IQGAP1: variants seen among roughly 807,000 people sequenced by gnomAD.
IQGAP1 encodes the protein ras GTPase-activating-like protein IQGAP1.
Under a neutral mutation model 215.6 loss-of-function variants are expected in IQGAP1, and 66 were observed. The observed-to-expected ratio is 0.31, with a 90% confidence interval of 0.25 to 0.38. The LOEUF (loss-of-function observed/expected upper bound fraction) is 0.38, where lower values mean the gene tolerates loss of function less well. IQGAP1 is among the 10% of genes least tolerant of loss of function. IQGAP1 has a pLI of 1.00. For synonymous variants in IQGAP1, 772 were observed against 728.7 expected, an observed-to-expected ratio of 1.06 and a Z score of -0.96; for missense variants, 1,712 against 1,997.1, an observed-to-expected ratio of 0.86 and a Z score of 2.72.
chr15:90,491,776 T>G (rs1046823537), intron 34 of IQGAP1: 4 of 473,016 alleles, frequency 8.5e-6, no homozygotes, highest in Non-Finnish European at 1.5e-5. Flanking sequence ...TCCTATGACC[T>G]TAAAGAATTT....
Position 90,472,956 on chromosome 15 carries a change from C to G in IQGAP1, c.2295C>G (p.Phe765Leu). The stretch of plus-strand genomic sequence containing the variant: ...GTGGATACTTAGTTCGACAGGAATT[C>G]CGATCCAGGATGAATTTCCTGAAGA... Reference protein sequence around the residue: ...RCRGYLVRQEFRSRMNFLKKQ... With the variant: ...RCRGYLVRQELRSRMNFLKKQ... Residue 765 changes from phenylalanine to leucine, a missense_variant, in exon 19 of 38, where the codon TTC (phenylalanine) becomes TTG (leucine). This residue lies in a region of IQGAP1 where 1,021 missense variants were observed against 1,074.2 expected (regional missense o/e 0.95). Transcript: ENST00000268182. 6.2e-7 allele frequency: 1 copy of G among 1,614,048 alleles called. No individual in the cohort carries two copies. Among genetic ancestry groups the G allele is most frequent in the Non-Finnish European group, 8.5e-7 (1 of 1,179,972 alleles).
At chr15:90,401,196 A>G (rs1964799683) in intron 2 of IQGAP1, among the ~76,000 whole-genome samples, 1 of 152,050 alleles carries the variant, frequency 6.6e-6, no homozygotes, top group African/African-American at 2.4e-5. Context: ...GTCTCCTAGC[A>G]ATCTGATTGA....
Position 90,490,930 on chromosome 15 carries a change from T to C in IQGAP1, c.4249-403T>C, listed in dbSNP as rs111923511. Reference sequence around the variant, plus strand: ...TTCACGCCATTCTCCTGCCTCAGCCTCCTGAGTAGCTGGGACTACAGGCAC... The same window carrying C: ...TTCACGCCATTCTCCTGCCTCAGCCCCCTGAGTAGCTGGGACTACAGGCAC... On this transcript the variant is annotated intron_variant, in intron 33 of 37. Coordinates refer to ENST00000268182, the MANE Select transcript of IQGAP1 (RefSeq NM_003870.4). Among the ~76,000 whole-genome samples the C allele has an allele frequency of 4.8e-3, 738 of 152,350 alleles. 10 individuals carry two copies. The highest frequency in any genetic ancestry group is 0.017 in the African/African-American group (717 of 41,584).
Position 90,420,718 on chromosome 15 carries a change from T to C in IQGAP1, c.156-5392T>C, listed in dbSNP as rs138606604. 3.2e-4 allele frequency among the ~76,000 whole-genome samples: 49 copies of C among 152,334 alleles called. 1 individual carries two copies. The East Asian group carries it at 9.4e-3, about 29-fold the overall frequency. Reference sequence around the variant, plus strand: ...GTTGTGTTGGCCAGTGATTTTTCTTTTGTGCATAGATTGATTGATTTTGAG... The same window carrying C: ...GTTGTGTTGGCCAGTGATTTTTCTTCTGTGCATAGATTGATTGATTTTGAG... On this transcript the variant is annotated intron_variant, in intron 2 of 37. Transcript: ENST00000268182.
At chr15:90,475,426 C>G (rs1209979455) in intron 23 of IQGAP1, among the ~76,000 whole-genome samples, 1 of 152,040 alleles carries the variant, frequency 6.6e-6, no homozygotes, top group Admixed American at 6.5e-5. Flanking sequence ...CATGAGCCAC[C>G]ATGCCCGGCC....
chr15:90,487,005 C>T lies in IQGAP1; in HGVS notation c.4076C>T (p.Thr1359Met), dbSNP rs148060068. The T allele has an allele frequency of 9.3e-5, 150 of 1,613,818 alleles. No homozygotes were observed. Among genetic ancestry groups the T allele is most frequent in the Non-Finnish European group, 1.2e-4 (141 of 1,179,864 alleles). ...CCAAATAAGGAGGCACTGGCTAAGA[C>T]GGAAGTGTCTCTCACCCTGACCAAC... is the stretch of plus-strand genomic sequence containing the variant. ...NDPNKEALAKTEVSLTLTNKF... is the reference protein window; with the variant it reads ...NDPNKEALAKMEVSLTLTNKF... Residue 1359 changes from threonine (T) to methionine (M), a missense_variant, in exon 32 of 38, where the codon ACG becomes ATG. By Grantham distance (81) the Thr-to-Met change is moderately conservative. Coordinates refer to ENST00000268182, the MANE Select transcript of IQGAP1 (RefSeq NM_003870.4).
chr15:90,467,403 G>A (rs1350805269), intron 17 of IQGAP1, 47 bp from the exon 18 acceptor site: 1 of 1,574,884 alleles, frequency 6.3e-7, no homozygotes, highest in South Asian at 1.2e-5. Context: ...GTACAGCTGG[G>A]GAGTGTGGCT....
intron 26 of IQGAP1, among the ~76,000 whole-genome samples, chr15:90,480,377 C>T (rs1236682387): frequency 6.6e-6 from 1 of 152,132 alleles, no homozygotes; most frequent in East Asian, 1.9e-4. Flanking sequence ...ACGTAGCAAA[C>T]TGGAATCTTG....
intron 37 of IQGAP1, among the ~76,000 whole-genome samples, chr15:90,498,145 C>T (rs549822924): frequency 6.7e-5 from 10 of 149,672 alleles, no homozygotes; most frequent in African/African-American, 2.2e-4. Flanking sequence ...GTTTCCCCTT[C>T]GCTTCTGTAG....
chr15:90,429,630 G>A lies in IQGAP1; in HGVS notation c.354G>A (p.Gln118=). The A allele has an allele frequency of 6.2e-7, 1 of 1,609,050 alleles. No individual in the cohort carries two copies. The highest frequency in any genetic ancestry group is 2.2e-5 in the East Asian group (1 of 44,680). The change falls in exon 4 of 38, where the codon CAG becomes CAA. Residue 118 remains glutamine (Q), a synonymous_variant. Transcript: ENST00000268182. ...LHFRHTDNVI[Q]WLNAMDEIGL... is the part of the protein sequence containing the mutation. ...TTAGACACACTGATAATGTGATTCAGTGGTTGAATGCCATGGATGAGATTG... is the reference window on the plus strand; with the variant it reads ...TTAGACACACTGATAATGTGATTCAATGGTTGAATGCCATGGATGAGATTG...
At chr15:90,482,362 C>CA (rs751935573) in intron 28 of IQGAP1, 81 bp downstream of exon 28, 13 of 1,333,136 alleles carry the variant, frequency 9.8e-6, no homozygotes, top group Non-Finnish European at 1.3e-5. Context: ...TCATTACTAA[C>CA]TGCCTAAGTG....
chr15:90,439,898 GGGGAGAAAAAGGGCAGT>G (rs1428112728), intron 6 of IQGAP1, among the ~76,000 whole-genome samples: 1 of 152,096 alleles, frequency 6.6e-6, no homozygotes, highest in African/African-American at 2.4e-5. Context: ...ATGAGGGGTT[GGGGAGAAAAAGGGCAGT>G]GGTAATACTG....
chr15:90,409,782 C>T (rs1227525624), intron 2 of IQGAP1, among the ~76,000 whole-genome samples: 1 of 152,140 alleles, frequency 6.6e-6, no homozygotes, highest in Non-Finnish European at 1.5e-5. Context: ...AAAAGTGTTC[C>T]TATTTCTCCA....
intron 15 of IQGAP1, among the ~76,000 whole-genome samples, 173 bp from the exon 16 acceptor site, chr15:90,465,828 C>T (rs976484111): frequency 6.6e-6 from 1 of 152,134 alleles, no homozygotes; most frequent in Non-Finnish European, 1.5e-5. Flanking sequence ...CTGCATCCAA[C>T]TTTTTACCAG....
intron 4 of IQGAP1, 131 bp from the exon 5 acceptor site, chr15:90,433,588 C>G: frequency 4.2e-6 from 2 of 471,598 alleles, no homozygotes; most frequent in South Asian, 4.9e-5. Flanking sequence ...CTGAATGCCA[C>G]CGATGTTTTC....
At chr15:90,423,237 C>G (rs1402916578) in intron 2 of IQGAP1, among the ~76,000 whole-genome samples, 2 of 152,002 alleles carry the variant, frequency 1.3e-5, no homozygotes, top group African/African-American at 4.8e-5. Context: ...CAGTTTGGTC[C>G]TGATTTGTTC....
chr15:90,393,898 C>G (rs1296336617), intron 2 of IQGAP1: 1 of 152,226 alleles, frequency 6.6e-6, no homozygotes, highest in Non-Finnish European at 1.5e-5. Flanking sequence ...CTTTGGAAAG[C>G]TGAGGTGGGC....
intron 1 of IQGAP1, among the ~76,000 whole-genome samples, chr15:90,389,627 A>G (rs1191540666): frequency 2.0e-5 from 3 of 151,978 alleles, no homozygotes; most frequent in African/African-American, 7.3e-5. Flanking sequence ...TGAAGGTGAC[A>G]TTTGAACAGA....
chr15:90,408,616 G>A (rs1217177547), intron 2 of IQGAP1, among the ~76,000 whole-genome samples: 3 of 152,036 alleles, frequency 2.0e-5, no homozygotes, highest in Non-Finnish European at 4.4e-5. Flanking sequence ...GAATTGGCAG[G>A]GATGGGTGGG....
Sources: allele counts gnomAD v4.1 joint callset (sites outside exome capture counted in the v4.1 genomes callset), GRCh38; gene constraint gnomAD v4.1.1; regional missense constraint gnomAD v4.1.1; transcripts MANE v1.5; gene names NCBI Gene and HGNC (gene_info 2026-07-23, HGNC 2026-07-21).